ZNF548: variants seen among roughly 807,000 people sequenced by gnomAD.
The protein encoded by ZNF548 is zinc finger protein 548.
In ZNF548, 10 loss-of-function variants were observed where a neutral mutation model predicts 10.2. The observed-to-expected ratio is 0.98, with a 90% confidence interval of 0.60 to 1.66. The LOEUF is 1.66. Among genes scored for constraint, ZNF548 ranks in the 40% most tolerant of loss-of-function variants. The probability of loss-of-function intolerance (pLI) is 0.00; values close to 1 mark genes in which losing one functional copy is unlikely to be tolerated. For missense variants in ZNF548, 599 were observed against 657.0 expected (o/e 0.91, Z 0.97); for synonymous variants, 217 against 223.5 (o/e 0.97, Z 0.26).
rs776724937 is a variant in ZNF548 at position 57,399,183 on chromosome 19, A to T, written c.932A>T (p.His311Leu). The T allele has an allele frequency of 2.5e-6, 4 of 1,614,190 alleles. 1 individual carries two copies. The Middle Eastern group carries it at 4.9e-4, about 200-fold the overall frequency. Residue 311 changes from histidine to leucine, a missense_variant, in exon 4 of 4, where the codon CAT becomes CTT. Coordinates refer to ENST00000336128, the MANE Select transcript of ZNF548 (RefSeq NM_001172773.2). The surrounding 1 kb of genome is among the most constrained non-coding windows in gnomAD (Gnocchi z 4.0). The stretch of plus-strand genomic sequence containing the variant: ...CGGTACAGCTCCACATTTGTTAGAC[A>T]TCAGAGAGTTCACACCGGAGAAAGG... ...FFRYSSTFVR[H>L]QRVHTGERPY...
chr19:57,397,355 T>G lies in ZNF548; in HGVS notation c.178+181T>G, dbSNP rs111818784. 66 of 917,104 alleles carry G rather than the reference T, an allele frequency of 7.2e-5. No individual in the cohort carries two copies. In the African/African-American group the frequency reaches 9.5e-4, roughly 13 times the overall value. The allele number at this position is 917,104 out of a possible 1,614,324, so 56.8% of individuals were successfully genotyped here. A position where few individuals can be genotyped will look rare whatever the true frequency, so the allele number is the denominator to read the frequency against. On this transcript the variant is annotated intron_variant, in intron 3 of 3. Coordinates refer to ENST00000336128, the MANE Select transcript of ZNF548 (RefSeq NM_001172773.2). ...GTTTTATACCCCCTTTTTCCTAGCA[T>G]CCCCATCCCTGCTGCTCTGAGGCTT...
chr19:57,396,939 G>A (rs2088670049), intron 2 of ZNF548, 109 bp from the exon 3 acceptor site: 1 of 1,460,146 alleles, frequency 6.8e-7, no homozygotes, highest in Non-Finnish European at 9.2e-7. Context: ...TTGGCTGTTA[G>A]TTTGGCCCTG....
Position 57,401,347 on chromosome 19 carries a change from C to T in ZNF548, c.*1458C>T, listed in dbSNP as rs1346594374. On this transcript the variant is annotated 3_prime_UTR_variant, in exon 4 of 4. Transcript: ENST00000336128. ...AACAAAAAGGGTAGTTGCATCTGTA[C>T]TAAACATGAACAGACATTTTTTCTT... The T allele has an allele frequency of 6.6e-6, 1 of 152,124 alleles. No homozygotes were observed. The highest frequency in any genetic ancestry group is 2.1e-4 in the South Asian group (1 of 4,836). 9.4% of individuals were successfully genotyped at this position (152,124 alleles called of 1,614,324 possible). A position where few individuals can be genotyped will look rare whatever the true frequency, so the allele number is the denominator to read the frequency against.
intron 2 of ZNF548, among the ~76,000 whole-genome samples, chr19:57,396,505 G>C (rs973922296): frequency 6.6e-6 from 1 of 152,218 alleles, no homozygotes. Context: ...ACAGCGATGA[G>C]ATCCTGGAGA....
chr19:57,392,641 T>G lies in ZNF548; in HGVS notation c.16-1547T>G, dbSNP rs960524531. 1.3e-5 allele frequency: 4 copies of G among 319,148 alleles called. No homozygotes were observed. In the East Asian group the frequency reaches 6.8e-4, roughly 54 times the overall value. The allele number at this position is 319,148 out of a possible 1,614,324, so 19.8% of individuals were successfully genotyped here. On this transcript the variant is annotated intron_variant, in intron 1 of 3. Coordinates refer to ENST00000336128, the MANE Select transcript of ZNF548 (RefSeq NM_001172773.2). ...GGAACTTTGTTCTGTTCCATTGATC[T>G]ATGTGTCTATTTCTGCAGTCAAATG...
At chr19:57,392,202 A>G (rs1195950790) in intron 1 of ZNF548, among the ~76,000 whole-genome samples, 1 of 152,178 alleles carries the variant, frequency 6.6e-6, no homozygotes, top group Non-Finnish European at 1.5e-5. Context: ...ACCCTGTCAG[A>G]TGCATAGTTT....
intron 1 of ZNF548, 47 bp downstream of exon 1, chr19:57,390,161 G>A: frequency 6.3e-7 from 1 of 1,599,920 alleles, no homozygotes; most frequent in Non-Finnish European, 8.5e-7. Flanking sequence ...TCCTCCCAGT[G>A]CTGAAGCCCC....
In ZNF548 at chr19:57,402,781, C is replaced by T. The variant is rs1256712111; in HGVS notation, c.*2892C>T. 6.6e-6 allele frequency: 1 copy of T among 152,180 alleles called. No homozygotes were observed. Among genetic ancestry groups the T allele is most frequent in the African/African-American group, 2.4e-5 (1 of 41,440 alleles). The allele number at this position is 152,180 out of a possible 1,614,324, so 9.4% of individuals were successfully genotyped here. ...GGGAGAGAGCCAGCAGTTGAGCCTC[C>T]TGCATCTGAACATCCACACTAGGGA... is the stretch of plus-strand genomic sequence containing the variant. On this transcript the variant is annotated 3_prime_UTR_variant, in exon 4 of 4. Coordinates refer to ENST00000336128, the MANE Select transcript of ZNF548 (RefSeq NM_001172773.2).
intron 1 of ZNF548, chr19:57,392,975 T>C: frequency 1.0e-6 from 1 of 985,646 alleles, no homozygotes; most frequent in Non-Finnish European, 1.2e-6. Context: ...GGATGGAGGC[T>C]GAAGTGTGAG....
At chr19:57,398,404 C>G (rs370584840) in intron 3 of ZNF548, 26 bp from the exon 4 acceptor site, 1 of 1,604,950 alleles carries the variant, frequency 6.2e-7, no homozygotes, top group South Asian at 1.1e-5. Context: ...TCAACATGCA[C>G]TTCTCCAGCA....
intron 1 of ZNF548, among the ~76,000 whole-genome samples, chr19:57,391,948 C>G (rs1284184220): frequency 1.3e-5 from 2 of 152,066 alleles, no homozygotes; most frequent in South Asian, 2.1e-4. Flanking sequence ...CAGGTGCCCA[C>G]CACCACGCCC....
chr19:57,398,895 G>T lies in ZNF548; in HGVS notation c.644G>T (p.Gly215Val). The change falls in exon 4 of 4, where the codon GGG becomes GTG. Residue 215 changes from glycine (G) to valine (V), a missense_variant. Gly to Val is a moderately radical substitution (Grantham distance 109, BLOSUM62 -3). Coordinates refer to ENST00000336128, the MANE Select transcript of ZNF548 (RefSeq NM_001172773.2). The stretch of plus-strand genomic sequence containing the variant: ...AATGATTACAAATGTAGTGAATGTG[G>T]GAAAACCTTCACCTGCAGCTATTCA... ...GQNDYKCSEC[G>V]KTFTCSYSFV... The T allele has an allele frequency of 6.2e-7, 1 of 1,614,006 alleles. No homozygotes were observed. The highest frequency in any genetic ancestry group is 8.5e-7 in the Non-Finnish European group (1 of 1,179,894).
chr19:57,398,447 G>A lies in ZNF548; in HGVS notation c.196G>A (p.Glu66Lys), dbSNP rs1464486120. ...TCTGACAGGTTCTTGGCATGGAGCT[G>A]AGGATGAGGAGGCACCTTCACAGCA... ...LSSLGSWHGAEDEEAPSQQGF... is the reference protein window; with the variant it reads ...LSSLGSWHGAKDEEAPSQQGF... Residue 66 changes from glutamate (E) to lysine (K), a missense_variant, in exon 4 of 4, where the codon GAG (glutamate) becomes AAG (lysine). Physicochemically the swap from Glu to Lys is moderately conservative, Grantham distance 56 (BLOSUM62 1). Coordinates refer to ENST00000336128, the MANE Select transcript of ZNF548 (RefSeq NM_001172773.2). 6.2e-7 allele frequency: 1 copy of A among 1,613,730 alleles called. No individual in the cohort carries two copies. The highest frequency in any genetic ancestry group is 1.7e-4 in the Middle Eastern group (1 of 6,060).
chr19:57,399,332 A>G lies in ZNF548; in HGVS notation c.1081A>G (p.Ile361Val). ...TGATTGTGGGAAATTTTTTAGGTAT[A>G]TCTCCACACTCATTAGACATCAGAG... is the stretch of plus-strand genomic sequence containing the variant. ...CNDCGKFFRYISTLIRHQRIH... is the reference protein window; with the variant it reads ...CNDCGKFFRYVSTLIRHQRIH... Residue 361 changes from isoleucine (I) to valine (V), a missense_variant, in exon 4 of 4, where the codon ATC becomes GTC. By Grantham distance (29) the Ile-to-Val change is conservative. Transcript: ENST00000336128. The surrounding 1 kb of genome is among the most constrained non-coding windows in gnomAD (Gnocchi z 4.0). 1.2e-6 allele frequency: 2 copies of G among 1,614,134 alleles called. No individual in the cohort carries two copies. Among genetic ancestry groups the G allele is most frequent in the South Asian group, 2.2e-5 (2 of 91,084 alleles).
At position 57,398,598 on chromosome 19, in the gene ZNF548, G is replaced by A. The variant is rs760940894; in HGVS notation, c.347G>A (p.Gly116Glu). 3.5e-5 allele frequency: 56 copies of A among 1,613,942 alleles called. No individual in the cohort carries two copies. In the South Asian group the frequency reaches 3.7e-4, roughly 11 times the overall value. ...ATTCTGTGCCTGGTTGAGCACAATGGAATTCATCCTGAGCAACACATATAT... is the reference window on the plus strand; with the variant it reads ...ATTCTGTGCCTGGTTGAGCACAATGAAATTCATCCTGAGCAACACATATAT... ...KDILCLVEHN[G>E]IHPEQHIYIC... The change falls in exon 4 of 4, where the codon GGA becomes GAA. Residue 116 changes from glycine to glutamate, a missense_variant. Coordinates refer to ENST00000336128, the MANE Select transcript of ZNF548 (RefSeq NM_001172773.2).
In ZNF548 at chr19:57,399,473, A is replaced by C; in HGVS notation, c.1222A>C (p.Ser408Arg). 6.2e-7 allele frequency: 1 copy of C among 1,614,198 alleles called. No individual in the cohort carries two copies. The highest frequency in any genetic ancestry group is 8.5e-7 in the Non-Finnish European group (1 of 1,180,036). ...NHTGERPYKC[S>R]ECGKSFRYHC... Reference sequence around the variant, plus strand: ...CACTGGAGAAAGGCCTTATAAATGCAGTGAATGTGGGAAATCATTTAGGTA... The same window carrying C: ...CACTGGAGAAAGGCCTTATAAATGCCGTGAATGTGGGAAATCATTTAGGTA... Residue 408 changes from serine to arginine, a missense_variant, in exon 4 of 4, where the codon AGT (serine) becomes CGT (arginine). Transcript: ENST00000336128. This position sits in a 1 kb window ranked among gnomAD's most constrained non-coding sequence, Gnocchi z 4.0.
intron 1 of ZNF548, among the ~76,000 whole-genome samples, chr19:57,393,825 A>G (rs187991413): frequency 2.0e-5 from 3 of 152,172 alleles, no homozygotes; most frequent in Admixed American, 2.0e-4. Context: ...ATCTTAAGCT[A>G]AAAACATACA....
In ZNF548 at chr19:57,401,455, TAATC is replaced by T. The variant is rs145053904; in HGVS notation, c.*1567_*1570del. ...TTAGAAGTTATAAATAACCTAATGATAATCTATATAGGAAGATGTGTGTAGGTTA... is the reference window on the plus strand; with the variant it reads ...TTAGAAGTTATAAATAACCTAATGATTATATAGGAAGATGTGTGTAGGTTA... On this transcript the variant is annotated 3_prime_UTR_variant, in exon 4 of 4. Coordinates refer to ENST00000336128, the MANE Select transcript of ZNF548 (RefSeq NM_001172773.2). 1.3e-4 allele frequency: 20 copies of T among 152,342 alleles called. No individual in the cohort carries two copies. The highest frequency in any genetic ancestry group is 2.8e-4 in the Non-Finnish European group (19 of 68,034). 9.4% of individuals were successfully genotyped at this position (152,342 alleles called of 1,614,324 possible).
intron 1 of ZNF548, among the ~76,000 whole-genome samples, chr19:57,391,991 G>C (rs907470078): frequency 2.6e-5 from 4 of 151,858 alleles, no homozygotes; most frequent in African/African-American, 9.7e-5. Flanking sequence ...TAGAGACGGG[G>C]TTTCACCATG....
Sources: gnomAD v4.1 joint callset for allele counts (sites outside exome capture counted in the v4.1 genomes callset) on GRCh38, gnomAD v4.1.1 for gene constraint, Gnocchi (gnomAD v3.1) non-coding constraint, MANE v1.5 for transcripts, NCBI Gene and HGNC (gene_info 2026-07-23, HGNC 2026-07-21) for gene names.